Variants in NTRK3 observed in about 807,000 individuals in gnomAD.
NTRK3 encodes the protein NT-3 growth factor receptor.
In NTRK3, 24 loss-of-function variants were observed where a neutral mutation model predicts 91.7. That is an observed-to-expected ratio of 0.26 (90% CI 0.19 to 0.37). NTRK3 has a LOEUF of 0.37. Among genes scored for constraint, NTRK3 ranks in the 10% least tolerant of loss-of-function variants. NTRK3 has a pLI of 1.00. For missense variants in NTRK3, 880 were observed against 1,068.9 expected, an observed-to-expected ratio of 0.82 and a Z score of 2.46; for synonymous variants, 483 against 404.0, an observed-to-expected ratio of 1.20 and a Z score of -2.34.
At position 88,097,120 on chromosome 15, in the gene NTRK3, C is replaced by A. The variant is rs575355681; in HGVS notation, c.1396+29151G>T. ...CTAGTGACACAGGCTGACATGATAG[C>A]ATCTCTGATATATTGGGCTAAATAA... On this transcript the variant is annotated intron_variant, in intron 13 of 18. Coordinates refer to ENST00000394480, the Ensembl canonical transcript of NTRK3. Among the ~76,000 whole-genome samples the A allele has an allele frequency of 2.8e-4, 42 of 152,312 alleles. No homozygotes were observed. The South Asian group carries it at 8.5e-3, about 31-fold the overall frequency.
intron 14 of NTRK3, among the ~76,000 whole-genome samples, chr15:87,946,874 C>CTTTTTTTTTTTTTTT (rs560114979): frequency 1.2e-5 from 1 of 85,448 alleles, no homozygotes; most frequent in Non-Finnish European, 2.2e-5. Context: ...TTCGTGGGTT[C>CTTTTTTTTTTTTTTT]TTTTTTTTTT....
At chr15:88,175,289 T>C (rs2045894779) in intron 5 of NTRK3, among the ~76,000 whole-genome samples, 1 of 152,138 alleles carries the variant, frequency 6.6e-6, no homozygotes, top group Non-Finnish European at 1.5e-5. Context: ...GTAACATCCT[T>C]TGCCCCACGG....
intron 6 of NTRK3, among the ~76,000 whole-genome samples, chr15:88,140,780 A>G (rs367699109): frequency 6.6e-6 from 1 of 152,180 alleles, no homozygotes; most frequent in African/African-American, 2.4e-5. Flanking sequence ...TTGTCTCCTG[A>G]AAAGGTCTTA....
intron 3 of NTRK3, among the ~76,000 whole-genome samples, chr15:88,189,087 G>A (rs2047177351): frequency 6.6e-6 from 1 of 152,206 alleles, no homozygotes; most frequent in South Asian, 2.1e-4. Context: ...CAGAGTCAGA[G>A]TCGGGCTTAG....
At chr15:88,015,045 T>C (rs1489006424) in intron 14 of NTRK3, among the ~76,000 whole-genome samples, 1 of 152,248 alleles carries the variant, frequency 6.6e-6, no homozygotes, top group Admixed American at 6.5e-5. Context: ...TAACGTTCCC[T>C]GTGCTGAAAG....
chr15:88,135,022 C>T, intron 10 of NTRK3, 79 bp downstream of exon 10: 1 of 1,526,018 alleles, frequency 6.6e-7, no homozygotes, highest in Admixed American at 1.7e-5. Context: ...TGCTGCTTCT[C>T]CTCTCAAGCT....
chr15:88,018,087 T>C (rs2077361975), intron 14 of NTRK3, among the ~76,000 whole-genome samples: 2 of 152,104 alleles, frequency 1.3e-5, no homozygotes, highest in African/African-American at 2.4e-5. Context: ...CGGCCAAAAA[T>C]AGGTCAACTT....
intron 13 of NTRK3, among the ~76,000 whole-genome samples, chr15:88,064,302 T>C (rs943201244): frequency 2.6e-5 from 4 of 152,246 alleles, no homozygotes; most frequent in Non-Finnish European, 4.4e-5. Flanking sequence ...GCCATGCTGT[T>C]TGCAGTAATT....
At chr15:88,103,488 C>T (rs1202986620) in intron 13 of NTRK3, among the ~76,000 whole-genome samples, 3 of 152,148 alleles carry the variant, frequency 2.0e-5, no homozygotes, top group Admixed American at 6.5e-5. Flanking sequence ...CAGAGAAGAA[C>T]ATGATTTTTT....
intron 3 of NTRK3, among the ~76,000 whole-genome samples, chr15:88,205,096 C>G (rs1431279539): frequency 1.3e-5 from 2 of 152,128 alleles, no homozygotes; most frequent in Admixed American, 6.5e-5. Context: ...GAAAACAATC[C>G]AGGGCTGACA....
At chr15:88,143,241 A>G (rs909564413) in intron 6 of NTRK3, among the ~76,000 whole-genome samples, 7 of 152,156 alleles carry the variant, frequency 4.6e-5, no homozygotes, top group African/African-American at 1.4e-4. Context: ...AATGAAATAG[A>G]AAAAGAAAGA....
At chr15:88,099,888 T>A (rs901318419) in intron 13 of NTRK3, among the ~76,000 whole-genome samples, 1 of 152,152 alleles carries the variant, frequency 6.6e-6, no homozygotes, top group East Asian at 1.9e-4. Flanking sequence ...CACACACATC[T>A]ACTGAAAAGG....
intron 6 of NTRK3, among the ~76,000 whole-genome samples, chr15:88,141,473 C>T (rs1404769770): frequency 6.6e-6 from 1 of 152,182 alleles, no homozygotes; most frequent in Non-Finnish European, 1.5e-5. Context: ...AGAGGCCTGG[C>T]CACCCTGCTA....
chr15:87,896,291 T>C (rs1327171224), intron 17 of NTRK3, among the ~76,000 whole-genome samples: 1 of 152,022 alleles, frequency 6.6e-6, no homozygotes, highest in Non-Finnish European at 1.5e-5. Flanking sequence ...GCCAATATGG[T>C]GAAACCCTGT....
chr15:88,168,066 G>C (rs1452502727), intron 5 of NTRK3, among the ~76,000 whole-genome samples: 2 of 152,122 alleles, frequency 1.3e-5, no homozygotes, highest in Non-Finnish European at 2.9e-5. Context: ...CAGCAAACAA[G>C]GTAGGAACAG....
intron 14 of NTRK3, among the ~76,000 whole-genome samples, chr15:87,952,985 C>T (rs923335226): frequency 6.6e-6 from 1 of 152,166 alleles, no homozygotes; most frequent in Non-Finnish European, 1.5e-5. Flanking sequence ...TCAGCGCAGC[C>T]AGCAGATTCG....
chr15:87,890,570 T>TACACACACAC lies in NTRK3; in HGVS notation c.2134-10152_2134-10143dup, dbSNP rs58806302. On this transcript the variant is annotated intron_variant, in intron 17 of 18. Transcript: ENST00000394480. ...GAAAGCATTACCAATGCTTGTTCTTTACACACACACACACACACACACACA... is the reference window on the plus strand; with the variant it reads ...GAAAGCATTACCAATGCTTGTTCTTTACACACACACACACACACACACACACACACACACA... Among the ~76,000 whole-genome samples the TACACACACAC allele has an allele frequency of 4.7e-4, 69 of 147,828 alleles. 1 individual carries two copies. Among genetic ancestry groups the TACACACACAC allele is most frequent in the African/African-American group, 1.4e-3 (56 of 39,886 alleles).
At chr15:87,881,248 T>G (rs1387765413) in intron 17 of NTRK3, among the ~76,000 whole-genome samples, 1 of 152,192 alleles carries the variant, frequency 6.6e-6, no homozygotes, top group Non-Finnish European at 1.5e-5. Flanking sequence ...GTGTGAAAAC[T>G]CAGGAACTAA....
chr15:87,880,235 C>T (rs765363575), intron 18 of NTRK3, 35 bp downstream of exon 19: 16 of 1,613,386 alleles, frequency 9.9e-6, no homozygotes, highest in Admixed American at 1.7e-5. Context: ...TATGAGCCCT[C>T]CCCCAATCAA....
Sources: gnomAD v4.1 joint callset for allele counts (sites outside exome capture counted in the v4.1 genomes callset) on GRCh38, gnomAD v4.1.1 for gene constraint, MANE v1.5 for transcripts, NCBI Gene and HGNC (gene_info 2026-07-23, HGNC 2026-07-21) for gene names.